PHF21A: variants seen among roughly 807,000 people sequenced by gnomAD.
The protein encoded by PHF21A is BHC80a.
In PHF21A, 11 loss-of-function variants were observed where a neutral mutation model predicts 82.5. The ratio of observed to expected loss-of-function variants is 0.13; its 90% CI spans 0.08 to 0.22. The LOEUF is 0.22. PHF21A is among the 10% of genes least tolerant of loss of function. The pLI, the probability that PHF21A is intolerant of heterozygous loss-of-function variation, is 1.00. For missense variants in PHF21A, 579 were observed against 837.8 expected (o/e 0.69, Z 3.81); for synonymous variants, 297 against 302.8 (o/e 0.98, Z 0.20).
At chr11:46,092,483 T>A (rs1280944862) in intron 1 of PHF21A, among the ~76,000 whole-genome samples, 1 of 152,208 alleles carries the variant, frequency 6.6e-6, no homozygotes, top group African/African-American at 2.4e-5. Flanking sequence ...ATAATTTTCC[T>A]TTCCTAAGAG....
At chr11:46,013,676 T>C (rs1442213774) in intron 6 of PHF21A, among the ~76,000 whole-genome samples, 1 of 152,232 alleles carries the variant, frequency 6.6e-6, no homozygotes, top group African/African-American at 2.4e-5. Context: ...CAAACTTAGA[T>C]GGTACAGCCT....
At chr11:45,979,138 T>C (rs1343512870) in intron 7 of PHF21A, among the ~76,000 whole-genome samples, 1 of 152,094 alleles carries the variant, frequency 6.6e-6, no homozygotes, top group African/African-American at 2.4e-5. Context: ...TGCCTCAGCC[T>C]GCCGAGTAGC....
chr11:45,967,487 G>C (rs186943158), intron 9 of PHF21A, among the ~76,000 whole-genome samples: 1 of 152,272 alleles, frequency 6.6e-6, no homozygotes, highest in East Asian at 1.9e-4. Context: ...CCATTGTGGG[G>C]ACCTTGAAGC....
chr11:46,079,778 C>A (rs977244207), intron 4 of PHF21A, among the ~76,000 whole-genome samples: 2 of 150,462 alleles, frequency 1.3e-5, no homozygotes, highest in Admixed American at 1.3e-4. Context: ...AGAGTGCTAC[C>A]CAATACTGAA....
intron 6 of PHF21A, among the ~76,000 whole-genome samples, chr11:46,016,659 G>A (rs1472080648): frequency 6.6e-6 from 1 of 152,048 alleles, no homozygotes; most frequent in Non-Finnish European, 1.5e-5. Flanking sequence ...ATTTTACACT[G>A]CAATTTGTAG....
At chr11:45,958,733 A>AAGTG (rs1437567949) in intron 10 of PHF21A, among the ~76,000 whole-genome samples, 2 of 151,916 alleles carry the variant, frequency 1.3e-5, no homozygotes, top group African/African-American at 4.8e-5. Flanking sequence ...CTGGGCAAGA[A>AAGTG]AGTGAGACCC....
At chr11:46,094,671 A>G (rs1490341783) in intron 1 of PHF21A, among the ~76,000 whole-genome samples, 1 of 152,174 alleles carries the variant, frequency 6.6e-6, no homozygotes, top group African/African-American at 2.4e-5. Context: ...TCACGAGATC[A>G]GGAGATCGAG....
In PHF21A at chr11:45,971,905, T is replaced by TTTTTTTTTCTTTTTTTTTTTTTTA. The variant is rs1452859819; in HGVS notation, c.361-539_361-538insTAAAAAAAAAAAAAAGAAAAAAAA. On this transcript the variant is annotated intron_variant, in intron 7 of 18. Coordinates refer to ENST00000676320, the MANE Select transcript of PHF21A (RefSeq NM_001352027.3). ...CTTTTTCTTTCTTTTTTTTTTTTTT[T>TTTTTTTTTCTTTTTTTTTTTTTTA]ATGGTGTCACCCTGGAGAGAAGGAA... 2.2e-5 allele frequency among the ~76,000 whole-genome samples: 2 copies of TTTTTTTTTCTTTTTTTTTTTTTTA among 89,940 alleles called. 1 individual carries two copies. Among genetic ancestry groups the TTTTTTTTTCTTTTTTTTTTTTTTA allele is most frequent in the East Asian group, 1.5e-3 (2 of 1,344 alleles). The allele number at this position is 89,940 out of a possible 152,430, so 59.0% of individuals were successfully genotyped here. A position where few individuals can be genotyped will look rare whatever the true frequency, so the allele number is the denominator to read the frequency against.
At chr11:45,976,359 G>C (rs1266281719) in intron 7 of PHF21A, among the ~76,000 whole-genome samples, 2 of 152,000 alleles carry the variant, frequency 1.3e-5, no homozygotes, top group Non-Finnish European at 2.9e-5. Context: ...TTTAATTCTT[G>C]AAAATAGAAA....
At chr11:45,963,796 CAGG>C in intron 10 of PHF21A, among the ~76,000 whole-genome samples, 4 of 152,306 alleles carry the variant, frequency 2.6e-5, no homozygotes, top group Admixed American at 2.6e-4. Context: ...TGCAAAACAA[CAGG>C]TCCCCACCCA....
At chr11:45,937,728 G>A (rs1034279639) in intron 16 of PHF21A, among the ~76,000 whole-genome samples, 1 of 152,150 alleles carries the variant, frequency 6.6e-6, no homozygotes, top group Non-Finnish European at 1.5e-5. Flanking sequence ...TGACCTGCCC[G>A]CCTTGGCCTC....
Position 45,953,645 on chromosome 11 carries a change from TAA to T in PHF21A, c.997-22_997-21del. ...AACTGTCTAGGAGAGAAAAATTAAA[TAA>T]AAATTCAGAATTCGTTTTTTATTAA... On this transcript the variant is annotated intron_variant, in intron 10 of 18. Transcript: ENST00000676320. 1 of 1,534,188 alleles carries T rather than the reference TAA, an allele frequency of 6.5e-7. No homozygotes were observed.
chr11:46,056,756 C>A (rs1267292426), intron 6 of PHF21A, among the ~76,000 whole-genome samples: 1 of 151,920 alleles, frequency 6.6e-6, no homozygotes, highest in Non-Finnish European at 1.5e-5. Flanking sequence ...CTTAAAAGAC[C>A]CTTAGAGAGG....
Position 45,979,774 on chromosome 11 carries a change from G to C in PHF21A, c.346C>G (p.Leu116Val). Residue 116 changes from leucine to valine, a missense_variant, in exon 7 of 19, where the codon CTG (leucine) becomes GTG (valine). Transcript: ENST00000676320. Reference sequence around the variant, plus strand: ...CACACATTTACCTGTGAAGCAGTCAGGTTGGGAGAGGCTGCAGCTGACTGC... The same window carrying C: ...CACACATTTACCTGTGAAGCAGTCACGTTGGGAGAGGCTGCAGCTGACTGC... ...AQQSAAASPN[L>V]TASQKTVTTA... is the part of the protein sequence containing the mutation. 1 of 1,613,946 alleles carries C rather than the reference G, an allele frequency of 6.2e-7. No individual in the cohort carries two copies. The highest frequency in any genetic ancestry group is 1.1e-5 in the South Asian group (1 of 91,074).
At chr11:45,982,196 A>G (rs1036937045) in intron 6 of PHF21A, among the ~76,000 whole-genome samples, 2 of 152,000 alleles carry the variant, frequency 1.3e-5, no homozygotes, top group African/African-American at 4.8e-5. Flanking sequence ...AGCTCATGCA[A>G]TCTGCCCACC....
chr11:45,950,167 G>A (rs1343875463), intron 12 of PHF21A, 39 bp downstream of exon 12: 5 of 1,472,940 alleles, frequency 3.4e-6, no homozygotes, highest in Non-Finnish European at 4.7e-6. Flanking sequence ...AAAGCTGTGG[G>A]CCAGAAAAAA....
chr11:45,937,910 G>A (rs2089464413), intron 16 of PHF21A, among the ~76,000 whole-genome samples: 1 of 152,202 alleles, frequency 6.6e-6, no homozygotes, highest in Non-Finnish European at 1.5e-5. Flanking sequence ...AAAGGGTCTT[G>A]ACTTTTAAAG....
At chr11:46,054,983 C>G (rs1031478009) in intron 6 of PHF21A, among the ~76,000 whole-genome samples, 1 of 152,074 alleles carries the variant, frequency 6.6e-6, no homozygotes, top group Non-Finnish European at 1.5e-5. Context: ...TTTAAATGAA[C>G]CTTCATTTGC....
chr11:46,056,117 TA>T (rs1483848104), intron 6 of PHF21A, among the ~76,000 whole-genome samples: 1 of 152,194 alleles, frequency 6.6e-6, no homozygotes, highest in African/African-American at 2.4e-5. Context: ...TATCTTAAAG[TA>T]ACAAAATACC....
Sources: allele counts gnomAD v4.1 joint callset (sites outside exome capture counted in the v4.1 genomes callset), GRCh38; gene constraint gnomAD v4.1.1; transcripts MANE v1.5; gene names NCBI Gene and HGNC (gene_info 2026-07-23, HGNC 2026-07-21).